Variants in TCF7L1 observed in about 807,000 individuals in gnomAD.
TCF7L1 encodes transcription factor 7-like 1.
A neutral mutation model predicts 63.7 loss-of-function variants in TCF7L1; 18 were observed. That is an observed-to-expected ratio of 0.28 (90% CI 0.20 to 0.42). TCF7L1 has a LOEUF of 0.42. Among genes scored for constraint, TCF7L1 ranks in the 10% least tolerant of loss-of-function variants. TCF7L1 has a pLI of 1.00. For missense variants in TCF7L1, 654 were observed against 779.3 expected (o/e 0.84, Z 1.91); for synonymous variants, 355 against 340.9 (o/e 1.04, Z -0.46).
intron 4 of TCF7L1, among the ~76,000 whole-genome samples, chr2:85,299,860 A>AACACACACACACGCACACACACACACAC (rs1681928404): frequency 1.1e-5 from 1 of 92,706 alleles, no homozygotes; most frequent in Non-Finnish European, 2.0e-5. Flanking sequence ...CCTTGTCTCA[A>AACACACACACACGCACACACACACACAC]ACACACACAC....
chr2:85,166,529 G>A (rs575850976), intron 3 of TCF7L1, among the ~76,000 whole-genome samples: 1 of 152,340 alleles, frequency 6.6e-6, no homozygotes, highest in Admixed American at 6.5e-5. Context: ...TGTAGGGTAA[G>A]GTCTTAGCCT....
At chr2:85,258,231 G>C (rs921279989) in intron 3 of TCF7L1, among the ~76,000 whole-genome samples, 1 of 152,100 alleles carries the variant, frequency 6.6e-6, no homozygotes, top group Admixed American at 6.5e-5. Context: ...ACCTGAGCAG[G>C]GGGGGCCTGC....
intron 3 of TCF7L1, among the ~76,000 whole-genome samples, chr2:85,204,046 T>A (rs1679337335): frequency 6.6e-6 from 1 of 152,198 alleles, no homozygotes; most frequent in African/African-American, 2.4e-5. Context: ...TTTATTTCAT[T>A]ATTCTTTTTA....
chr2:85,138,445 T>A (rs1212077560), intron 3 of TCF7L1, among the ~76,000 whole-genome samples: 6 of 152,230 alleles, frequency 3.9e-5, no homozygotes, highest in African/African-American at 1.4e-4. Flanking sequence ...AGTATAAACA[T>A]GCTGCTTTTG....
chr2:85,142,138 G>A (rs889832485), intron 3 of TCF7L1, among the ~76,000 whole-genome samples: 2 of 152,142 alleles, frequency 1.3e-5, no homozygotes, highest in African/African-American at 4.8e-5. Flanking sequence ...ATCAAAATAC[G>A]CTTTGTGTCC....
intron 3 of TCF7L1, among the ~76,000 whole-genome samples, chr2:85,202,143 T>A (rs2104278822): frequency 6.6e-6 from 1 of 152,146 alleles, no homozygotes; most frequent in East Asian, 1.9e-4. Context: ...TTTGTATTTT[T>A]AGTAGAGATG....
At chr2:85,197,343 A>G (rs1679182319) in intron 3 of TCF7L1, among the ~76,000 whole-genome samples, 2 of 152,162 alleles carry the variant, frequency 1.3e-5, no homozygotes, top group Non-Finnish European at 2.9e-5. Flanking sequence ...CCCGGGAGGC[A>G]GAGGTTACAG....
chr2:85,302,083 A>T (rs900903069), intron 4 of TCF7L1, among the ~76,000 whole-genome samples: 1 of 152,096 alleles, frequency 6.6e-6, no homozygotes, highest in African/African-American at 2.4e-5. Flanking sequence ...AGCCGAGATC[A>T]TGCTACTGCA....
intron 11 of TCF7L1, among the ~76,000 whole-genome samples, chr2:85,308,168 T>C (rs1253220300): frequency 6.6e-6 from 1 of 152,084 alleles, no homozygotes; most frequent in Non-Finnish European, 1.5e-5. Context: ...AGGAGGCACT[T>C]TGTGTCAAAA....
At chr2:85,304,839 GAGA>G (rs1682070059) in intron 7 of TCF7L1, among the ~76,000 whole-genome samples, 1 of 152,192 alleles carries the variant, frequency 6.6e-6, no homozygotes, top group Non-Finnish European at 1.5e-5. Flanking sequence ...TAGGGACTGG[GAGA>G]AGATGAATTT....
chr2:85,283,424 G>A, intron 3 of TCF7L1, 71 bp from the exon 4 acceptor site: 2 of 1,566,772 alleles, frequency 1.3e-6, no homozygotes, highest in South Asian at 1.1e-5. Flanking sequence ...TAACAGCAGA[G>A]CCCAGCAAAC....
At chr2:85,158,646 GA>G (rs1427070372) in intron 3 of TCF7L1, among the ~76,000 whole-genome samples, 1 of 152,122 alleles carries the variant, frequency 6.6e-6, no homozygotes, top group Admixed American at 6.5e-5. Context: ...ATCTCTTTTG[GA>G]AAAAAACTCC....
intron 3 of TCF7L1, among the ~76,000 whole-genome samples, chr2:85,225,261 G>T (rs557277826): frequency 2.0e-5 from 3 of 152,002 alleles, no homozygotes; most frequent in African/African-American, 7.3e-5. Flanking sequence ...TGCCTATGCC[G>T]GCTCTTTTGG....
intron 4 of TCF7L1, among the ~76,000 whole-genome samples, chr2:85,296,828 A>T (rs1681846603): frequency 6.6e-6 from 1 of 152,240 alleles, no homozygotes; most frequent in Admixed American, 6.5e-5. Flanking sequence ...AAAAAAAATT[A>T]AAAACCATTC....
At chr2:85,156,318 T>G (rs112585080) in intron 3 of TCF7L1, among the ~76,000 whole-genome samples, 3,042 of 152,318 alleles carry the variant, frequency 0.02, 91 homozygotes, top group African/African-American at 0.069. Context: ...ATTTGCACAT[T>G]TGGCAAAATG....
chr2:85,156,990 A>G (rs1678165402), intron 3 of TCF7L1, among the ~76,000 whole-genome samples: 1 of 152,258 alleles, frequency 6.6e-6, no homozygotes, highest in Non-Finnish European at 1.5e-5. Flanking sequence ...CTTACAATGC[A>G]TAGGATGGTT....
intron 3 of TCF7L1, among the ~76,000 whole-genome samples, chr2:85,170,467 G>A (rs931330079): frequency 2.0e-5 from 3 of 152,144 alleles, no homozygotes; most frequent in Non-Finnish European, 2.9e-5. Flanking sequence ...TTTGTTCCTG[G>A]TGCCATGCCA....
intron 7 of TCF7L1, 35 bp from the exon 8 acceptor site, chr2:85,305,225 C>T: frequency 6.2e-7 from 1 of 1,614,116 alleles, no homozygotes; most frequent in Non-Finnish European, 8.5e-7. Context: ...CAGCCTGAAC[C>T]CCTCTGTTGC....
chr2:85,143,476 G>A (rs1574076673), intron 3 of TCF7L1, among the ~76,000 whole-genome samples: 1 of 152,208 alleles, frequency 6.6e-6, no homozygotes, highest in Non-Finnish European at 1.5e-5. Flanking sequence ...CATTTGGAAA[G>A]CACTTGGCAA....
Sources: gnomAD v4.1 joint callset for allele counts (sites outside exome capture counted in the v4.1 genomes callset) on GRCh38, gnomAD v4.1.1 for gene constraint, MANE v1.5 for transcripts, NCBI Gene and HGNC (gene_info 2026-07-23, HGNC 2026-07-21) for gene names.